The following APOB variants were observed in gnomAD, a reference collection of about 807,000 sequenced individuals.
The protein encoded by APOB is apolipoprotein B.
In APOB, 153 loss-of-function variants were observed where a neutral mutation model predicts 314.1. The ratio of observed to expected loss-of-function variants is 0.49; its 90% CI spans 0.43 to 0.56. The LOEUF is 0.56. Among genes scored for constraint, APOB ranks in the 20% least tolerant of loss-of-function variants. The pLI, the probability that APOB is intolerant of heterozygous loss-of-function variation, is 0.00. For missense variants in APOB, 5,430 were observed against 5,350.7 expected (o/e 1.01, Z -0.46); for synonymous variants, 2,087 against 2,036.4 (o/e 1.02, Z -0.67).
In APOB at chr2:21,014,564, A is replaced by G. The variant is rs747856139; in HGVS notation, c.3726T>C (p.Ser1242=). Residue 1242 remains serine (S), a synonymous_variant, in exon 24 of 29, where the codon TCT becomes TCC. Coordinates refer to ENST00000233242, the MANE Select transcript of APOB (RefSeq NM_000384.3). The stretch of plus-strand genomic sequence containing the variant: ...AAGTCTGGGTATAAGGAAGACTCCC[A>G]GATGCCTTCTGAAGCCATGAGCTCA... ...VAMSSWLQKA[S]GSLPYTQTLQ... is the part of the protein sequence containing the mutation. The G allele has an allele frequency of 1.2e-6, 2 of 1,614,140 alleles. No homozygotes were observed. Among genetic ancestry groups the G allele is most frequent in the African/African-American group, 1.3e-5 (1 of 75,056 alleles).
rs568054660 is a variant in APOB, at chr2:21,002,743, C to T, written c.12679G>A (p.Val4227Ile). The T allele has an allele frequency of 2.5e-6, 4 of 1,610,878 alleles. No homozygotes were observed. The highest frequency in any genetic ancestry group is 2.2e-5 in the South Asian group (2 of 90,592). Reference sequence around the variant, plus strand: ...ACTTTCGAATATACCTGGGACAGTACCGTCCCTACCTCCCTTATGAACATA... The same window carrying T: ...ACTTTCGAATATACCTGGGACAGTATCGTCCCTACCTCCCTTATGAACATA... ...CTMFIREVGT[V>I]LSQVYSKVHN... Residue 4227 changes from valine to isoleucine, a missense_variant, in exon 29 of 29, where the codon GTA becomes ATA. By Grantham distance (29) the Val-to-Ile change is conservative. This residue lies in a region of APOB where 3,281 missense variants were observed against 3,171.0 expected (regional missense o/e 1.03). Coordinates refer to ENST00000233242, the MANE Select transcript of APOB (RefSeq NM_000384.3).
Position 21,024,731 on chromosome 2 carries a change from T to A in APOB, c.2436+202A>T, listed in dbSNP as rs1007964341. On this transcript the variant is annotated intron_variant, in intron 16 of 28. Transcript: ENST00000233242. ...GCTCTTAAAAATACAGCTAACATTATGAATAGCTTAATTTCTAAATGTTAA... is the reference window on the plus strand; with the variant it reads ...GCTCTTAAAAATACAGCTAACATTAAGAATAGCTTAATTTCTAAATGTTAA... The A allele has an allele frequency of 7.0e-6, 5 of 716,698 alleles. No individual in the cohort carries two copies. The African/African-American group carries it at 8.8e-5, about 13-fold the overall frequency. 44.4% of individuals were successfully genotyped at this position (716,698 alleles called of 1,614,324 possible).
rs1316290295 is a variant in APOB, at chr2:21,029,793, G to A, written c.1471-8C>T. 7 of 1,614,020 alleles carry A rather than the reference G, an allele frequency of 4.3e-6. No individual in the cohort carries two copies. Among genetic ancestry groups the A allele is most frequent in the Non-Finnish European group, 5.9e-6 (7 of 1,180,030 alleles). Reference sequence around the variant, plus strand: ...GCCCATATTTCCAATGACCTGCATTGAAGAAAAGAAACAAGAACCCATCAG... The same window carrying A: ...GCCCATATTTCCAATGACCTGCATTAAAGAAAAGAAACAAGAACCCATCAG... On this transcript the variant is annotated splice_polypyrimidine_tract_variant and splice_region_variant and intron_variant, in intron 11 of 28. Coordinates refer to ENST00000233242, the MANE Select transcript of APOB (RefSeq NM_000384.3).
chr2:21,033,163 A>G (rs1663921458), intron 9 of APOB, 136 bp downstream of exon 9: 3 of 721,256 alleles, frequency 4.2e-6, no homozygotes, highest in Admixed American at 2.0e-5. Flanking sequence ...CTATCCAGCA[A>G]TCATGAACTG....
chr2:21,007,695 A>T lies in APOB; in HGVS notation c.9173T>A (p.Val3058Asp). 2 of 1,614,102 alleles carry T rather than the reference A, an allele frequency of 1.2e-6. No homozygotes were observed. The highest frequency in any genetic ancestry group is 1.7e-6 in the Non-Finnish European group (2 of 1,179,952). Residue 3058 changes from valine to aspartate, a missense_variant, in exon 26 of 29, where the codon GTT (valine) becomes GAT (aspartate). Transcript: ENST00000233242. ...ASTNNEGNLK[V>D]RFPLRLTGKI... ...CCCTGTTAACCTTAATGGAAAACGAACTTTCAAATTCCCTTCATTGTTTGT... is the reference window on the plus strand; with the variant it reads ...CCCTGTTAACCTTAATGGAAAACGATCTTTCAAATTCCCTTCATTGTTTGT...
At chr2:21,039,299 T>C (rs933249426) in intron 4 of APOB, among the ~76,000 whole-genome samples, 7 of 152,248 alleles carry the variant, frequency 4.6e-5, no homozygotes, top group Non-Finnish European at 1.0e-4. Context: ...CAGATAAATA[T>C]CTTGTTGTTA....
rs1014670364 is a variant in APOB, at chr2:21,043,457, G to T, written c.121+56C>A. The T allele has an allele frequency of 7.7e-6, 12 of 1,562,588 alleles. No homozygotes were observed. The African/African-American group carries it at 1.5e-4, about 19-fold the overall frequency. On this transcript the variant is annotated intron_variant, in intron 2 of 28. Coordinates refer to ENST00000233242, the MANE Select transcript of APOB (RefSeq NM_000384.3). ...GTGGGAGGCCCTCAGGGACCCGGGT[G>T]TAGGAGAGTGCACGGGGCTGGGCGC... is the stretch of plus-strand genomic sequence containing the variant.
chr2:21,042,183 T>A (rs1185977237), intron 3 of APOB, among the ~76,000 whole-genome samples, 178 bp downstream of exon 3: 1 of 152,216 alleles, frequency 6.6e-6, no homozygotes, highest in African/African-American at 2.4e-5. Context: ...CTCAGCAATG[T>A]GGCTGACTTA....
Position 21,025,111 on chromosome 2 carries a change from C to G in APOB, c.2258G>C (p.Gly753Ala), listed in dbSNP as rs148502464. The G allele has an allele frequency of 6.2e-7, 1 of 1,614,112 alleles. No homozygotes were observed. Among genetic ancestry groups the G allele is most frequent in the Admixed American group, 1.7e-5 (1 of 60,030 alleles). ...DDKHEQDMVN[G>A]IMLSVEKLIK... ...CAGCTTCTCAACACTGAGCATTATT[C>G]CATTTACCATATCCTGAGAGTTTAG... The change falls in exon 16 of 29, where the codon GGA becomes GCA. Residue 753 changes from glycine (G) to alanine (A), a missense_variant. Gly to Ala is a moderately conservative substitution (Grantham distance 60). Around this residue, in one of 3 missense-constraint regions of APOB, gnomAD observed 2,085 missense variants for 2,079.7 expected, o/e 1.00. Coordinates refer to ENST00000233242, the MANE Select transcript of APOB (RefSeq NM_000384.3).
intron 20 of APOB, 79 bp downstream of exon 20, chr2:21,018,913 A>G: frequency 6.2e-7 from 1 of 1,606,280 alleles, no homozygotes; most frequent in Non-Finnish European, 8.5e-7. Flanking sequence ...TAAATAGGTT[A>G]AATTACATGT....
At chr2:21,023,153 C>T in intron 17 of APOB, 111 bp from the exon 18 acceptor site, 4 of 985,954 alleles carry the variant, frequency 4.1e-6, no homozygotes, top group Middle Eastern at 2.1e-4. Context: ...ATAACTCAGA[C>T]CTTTGGAAAC....
chr2:21,008,799 T>C lies in APOB; in HGVS notation c.8069A>G (p.Asp2690Gly). The change falls in exon 26 of 29, where the codon GAT (aspartate) becomes GGT (glycine). Residue 2690 changes from aspartate (D) to glycine (G), a missense_variant. By Grantham distance (94) the Asp-to-Gly change is moderately conservative. Around this residue, in one of 3 missense-constraint regions of APOB, gnomAD observed 3,281 missense variants for 3,171.0 expected, o/e 1.03. Coordinates refer to ENST00000233242, the MANE Select transcript of APOB (RefSeq NM_000384.3). ...LNSELQWPVP[D>G]IYLRDLKVED... is the part of the protein sequence containing the mutation. ...CACCTTCAGATCCCTGAGATATATA[T>C]CTGGAACGGGCCACTGCAGCTCACT... is the stretch of plus-strand genomic sequence containing the variant. The C allele has an allele frequency of 3.7e-6, 6 of 1,614,024 alleles. No individual in the cohort carries two copies. The highest frequency in any genetic ancestry group is 4.2e-6 in the Non-Finnish European group (5 of 1,179,946).
Position 21,002,327 on chromosome 2 carries a change from G to A in APOB, c.13095C>T (p.Asn4365=), listed in dbSNP as rs13306203. 121 of 1,612,574 alleles carry A rather than the reference G, an allele frequency of 7.5e-5. No homozygotes were observed. The East Asian group carries it at 1.2e-3, about 16-fold the overall frequency. Reference sequence around the variant, plus strand: ...ACTCTTGAGAAGCTTCCTGAAGCTCGTTTTGAATAAATTCATTGAACTTAT... The same window carrying A: ...ACTCTTGAGAAGCTTCCTGAAGCTCATTTTGAATAAATTCATTGAACTTAT... ...NLHKFNEFIQ[N]ELQEASQELQ... Residue 4365 remains asparagine, a synonymous_variant, in exon 29 of 29, where the codon AAC becomes AAT. Transcript: ENST00000233242.
rs1663009305 is a variant in APOB, at chr2:21,002,429, A to G, written c.12993T>C (p.Asp4331=). The G allele has an allele frequency of 6.2e-7, 1 of 1,600,780 alleles. No homozygotes were observed. ...KFTYLINYIQ[D]EINTIFSDYI... ...AATCACTGAAGATTGTGTTGATCTC[A>G]TCTTGGATATAATTAATAAGATAAG... Residue 4331 remains aspartate, a synonymous_variant, in exon 29 of 29, where the codon GAT becomes GAC. Coordinates refer to ENST00000233242, the MANE Select transcript of APOB (RefSeq NM_000384.3).
At position 21,013,297 on chromosome 2, in the gene APOB, G is replaced by C; in HGVS notation, c.4079C>G (p.Thr1360Arg). The part of the protein sequence containing the change: ...VPLLGVLDLS[T>R]NVYSNLYNWS... ...GTTGTACAAGTTGCTGTAGACATTC[G>C]TGGAGAGGTCTAGAACACCCAGGAG... Residue 1360 changes from threonine (T) to arginine (R), a missense_variant, in exon 25 of 29, where the codon ACG (threonine) becomes AGG (arginine). Physicochemically the swap from Thr to Arg is moderately conservative, Grantham distance 71. Around this residue, in one of 3 missense-constraint regions of APOB, gnomAD observed 2,085 missense variants for 2,079.7 expected, o/e 1.00. Transcript: ENST00000233242. 1 of 1,614,198 alleles carries C rather than the reference G, an allele frequency of 6.2e-7. No homozygotes were observed. Among genetic ancestry groups the C allele is most frequent in the African/African-American group, 1.3e-5 (1 of 75,060 alleles).
At position 21,005,577 on chromosome 2, in the gene APOB, T is replaced by A. The variant is rs775272065; in HGVS notation, c.11291A>T (p.Asp3764Val). Reference sequence around the variant, plus strand: ...CTTATAGATTTGTATTTCTCTGAAGTCAAGTTTGCACGATGGAACCTGAAG... The same window carrying A: ...CTTATAGATTTGTATTTCTCTGAAGACAAGTTTGCACGATGGAACCTGAAG... ...TDLQVPSCKL[D>V]FREIQIYKKL... The change falls in exon 26 of 29, where the codon GAC (aspartate) becomes GTC (valine). Residue 3764 changes from aspartate to valine, a missense_variant. This residue lies in a region of APOB where 3,281 missense variants were observed against 3,171.0 expected (regional missense o/e 1.03). Coordinates refer to ENST00000233242, the MANE Select transcript of APOB (RefSeq NM_000384.3). 1 of 1,614,054 alleles carries A rather than the reference T, an allele frequency of 6.2e-7. No individual in the cohort carries two copies. The highest frequency in any genetic ancestry group is 8.5e-7 in the Non-Finnish European group (1 of 1,179,982).
At chr2:21,024,613 A>G (rs2103371770) in intron 16 of APOB, 1 of 509,774 alleles carries the variant, frequency 2.0e-6, no homozygotes, top group East Asian at 3.2e-5. Context: ...CTCCATCTCA[A>G]AAAATTAAAA....
chr2:21,014,390 G>A (rs1005830575), intron 24 of APOB, 58 bp downstream of exon 24: 7 of 1,596,280 alleles, frequency 4.4e-6, no homozygotes, highest in African/African-American at 1.3e-5. Context: ...ATCATGCTAT[G>A]TAAAATCTTT....
chr2:21,043,681 A>C, intron 1 of APOB, 130 bp from the exon 2 acceptor site: 1 of 1,495,074 alleles, frequency 6.7e-7, no homozygotes, highest in Non-Finnish European at 9.1e-7. Context: ...CCCCCTCCTC[A>C]GCCCCTCCAT....
Sources: gnomAD v4.1 joint callset for allele counts (sites outside exome capture counted in the v4.1 genomes callset) on GRCh38, gnomAD v4.1.1 for gene constraint, gnomAD v4.1.1 regional missense constraint, MANE v1.5 for transcripts, NCBI Gene and HGNC (gene_info 2026-07-23, HGNC 2026-07-21) for gene names.